Variants in PPP3CA observed in about 807,000 individuals in gnomAD.
PPP3CA encodes the protein protein phosphatase 3 catalytic subunit alpha.
Under a neutral mutation model 66.5 loss-of-function variants are expected in PPP3CA, and 14 were observed. That is an observed-to-expected ratio of 0.21 (90% CI 0.14 to 0.33). PPP3CA has a LOEUF of 0.33. Ranked by LOEUF, PPP3CA falls within the 10% of genes least tolerant of loss-of-function variation. PPP3CA has a pLI of 1.00. For synonymous variants in PPP3CA, 232 were observed against 226.2 expected, an observed-to-expected ratio of 1.03 and a Z score of -0.23; for missense variants, 317 against 639.5, an observed-to-expected ratio of 0.50 and a Z score of 5.44.
intron 2 of PPP3CA, among the ~76,000 whole-genome samples, chr4:101,193,757 C>A (rs562451549): frequency 6.6e-6 from 1 of 151,118 alleles, no homozygotes; most frequent in East Asian, 1.9e-4. Context: ...CTTATGAACA[C>A]TTGAAGAGAA....
chr4:101,330,576 T>C (rs894455477), intron 1 of PPP3CA, among the ~76,000 whole-genome samples: 1 of 152,142 alleles, frequency 6.6e-6, no homozygotes, highest in African/African-American at 2.4e-5. Flanking sequence ...AGTGTAAACA[T>C]AACTTTAACA....
At chr4:101,253,262 T>C (rs1011708023) in intron 1 of PPP3CA, among the ~76,000 whole-genome samples, 3 of 152,178 alleles carry the variant, frequency 2.0e-5, no homozygotes, top group Admixed American at 6.5e-5. Context: ...CCTGCTACTA[T>C]ATATTATTTT....
intron 8 of PPP3CA, among the ~76,000 whole-genome samples, chr4:101,068,955 A>G (rs937429514): frequency 6.6e-6 from 1 of 152,156 alleles, no homozygotes; most frequent in African/African-American, 2.4e-5. Context: ...CAGTATGGGA[A>G]AGTTAATGTT....
chr4:101,346,643 C>T (rs1339338616), intron 1 of PPP3CA, 96 bp downstream of exon 1: 2 of 1,087,218 alleles, frequency 1.8e-6, no homozygotes, highest in Non-Finnish European at 1.4e-6. Flanking sequence ...CAGAGGAGAA[C>T]CTGGGGCGGG....
At chr4:101,300,665 C>T (rs970734156) in intron 1 of PPP3CA, among the ~76,000 whole-genome samples, 2 of 152,068 alleles carry the variant, frequency 1.3e-5, no homozygotes, top group Admixed American at 1.3e-4. Flanking sequence ...GGCATGGTGA[C>T]ACACGCCTGC....
chr4:101,128,866 C>T (rs751758281), intron 2 of PPP3CA, among the ~76,000 whole-genome samples: 1 of 151,840 alleles, frequency 6.6e-6, no homozygotes, highest in Non-Finnish European at 1.5e-5. Flanking sequence ...TTTTTCATAC[C>T]CCAGTGGTGG....
chr4:101,094,883 G>A (rs1312663009), intron 5 of PPP3CA, among the ~76,000 whole-genome samples: 1 of 151,984 alleles, frequency 6.6e-6, no homozygotes, highest in Admixed American at 6.6e-5. Context: ...CAATAGCTTT[G>A]AAAATCTATT....
chr4:101,104,560 C>T (rs1000690061), intron 3 of PPP3CA, among the ~76,000 whole-genome samples: 5 of 151,914 alleles, frequency 3.3e-5, no homozygotes, highest in South Asian at 2.1e-4. Flanking sequence ...CTGCCATTTA[C>T]CACGTGTGAC....
At chr4:101,170,857 C>T (rs563756085) in intron 2 of PPP3CA, among the ~76,000 whole-genome samples, 6 of 152,244 alleles carry the variant, frequency 3.9e-5, no homozygotes, top group African/African-American at 1.2e-4. Flanking sequence ...CTCTTATTTA[C>T]TGATACATTT....
intron 1 of PPP3CA, among the ~76,000 whole-genome samples, chr4:101,231,002 T>A (rs182573493): frequency 6.6e-6 from 1 of 151,862 alleles, no homozygotes; most frequent in Admixed American, 6.6e-5. Context: ...GCAAAGTCAT[T>A]CCAGGGTACA....
At chr4:101,052,326 T>A (rs1728046789) in intron 10 of PPP3CA, among the ~76,000 whole-genome samples, 1 of 152,026 alleles carries the variant, frequency 6.6e-6, no homozygotes, top group Admixed American at 6.6e-5. Flanking sequence ...ACGATAAGAA[T>A]CATACCAAAC....
At chr4:101,186,412 C>A (rs560213957) in intron 2 of PPP3CA, among the ~76,000 whole-genome samples, 6 of 152,156 alleles carry the variant, frequency 3.9e-5, no homozygotes, top group African/African-American at 1.4e-4. Context: ...AAGTCAATTA[C>A]CCAAACATGA....
chr4:101,113,856 GC>G (rs1160398740), intron 2 of PPP3CA, among the ~76,000 whole-genome samples: 3 of 152,096 alleles, frequency 2.0e-5, no homozygotes, highest in Non-Finnish European at 4.4e-5. Flanking sequence ...ATATGCCAAT[GC>G]CAACTGATAA....
At position 101,108,935 on chromosome 4, in the gene PPP3CA, A is replaced by C. The variant is rs1163646264; in HGVS notation, c.384+19T>G. 2 of 1,610,080 alleles carry C rather than the reference A, an allele frequency of 1.2e-6. No homozygotes were observed. The highest frequency in any genetic ancestry group is 2.7e-5 in the African/African-American group (2 of 74,952). The stretch of plus-strand genomic sequence containing the variant: ...TTAATCCATAACTGAACAGCAAAGA[A>C]GACATGATGTAGACTTACTTCAATA... On this transcript the variant is annotated intron_variant, in intron 3 of 13. Coordinates refer to ENST00000394854, the MANE Select transcript of PPP3CA (RefSeq NM_000944.5).
At chr4:101,207,568 C>T (rs899390360) in intron 1 of PPP3CA, among the ~76,000 whole-genome samples, 6 of 152,160 alleles carry the variant, frequency 3.9e-5, no homozygotes, top group Non-Finnish European at 7.4e-5. Flanking sequence ...GTGTCGAATA[C>T]CTGTAATCCC....
At chr4:101,283,379 G>T (rs1341973350) in intron 1 of PPP3CA, among the ~76,000 whole-genome samples, 1 of 152,072 alleles carries the variant, frequency 6.6e-6, no homozygotes, top group Non-Finnish European at 1.5e-5. Flanking sequence ...TGGCTATAAT[G>T]TTCTTTGATT....
intron 2 of PPP3CA, among the ~76,000 whole-genome samples, chr4:101,184,989 T>A (rs969263690): frequency 1.3e-5 from 2 of 152,140 alleles, no homozygotes; most frequent in Admixed American, 6.6e-5. Context: ...AATTGCAAGC[T>A]ATATGCCTTA....
intron 2 of PPP3CA, among the ~76,000 whole-genome samples, chr4:101,124,067 A>G (rs1009589101): frequency 2.0e-5 from 3 of 152,186 alleles, no homozygotes; most frequent in African/African-American, 7.2e-5. Flanking sequence ...GGTTACAATA[A>G]TATTTCAATG....
intron 1 of PPP3CA, among the ~76,000 whole-genome samples, chr4:101,217,509 C>G (rs1725494365): frequency 6.6e-6 from 1 of 152,070 alleles, no homozygotes; most frequent in African/African-American, 2.4e-5. Context: ...GTAGTGTTTA[C>G]TGGCCCTCAA....
Sources: gnomAD v4.1 joint callset for allele counts (sites outside exome capture counted in the v4.1 genomes callset) on GRCh38, gnomAD v4.1.1 for gene constraint, MANE v1.5 for transcripts, NCBI Gene and HGNC (gene_info 2026-07-23, HGNC 2026-07-21) for gene names.